Variants in RANBP2 observed in about 807,000 individuals in gnomAD.
RANBP2 encodes RAN binding protein 2.
In RANBP2, 57 loss-of-function variants were observed where a neutral mutation model predicts 303.6. That is an observed-to-expected ratio of 0.19 (90% CI 0.15 to 0.23). RANBP2 has a LOEUF of 0.23. Among genes scored for constraint, RANBP2 ranks in the 10% least tolerant of loss-of-function variants. The pLI, the probability that RANBP2 is intolerant of heterozygous loss-of-function variation, is 1.00. For missense variants in RANBP2, 3,138 were observed against 3,780.8 expected, an observed-to-expected ratio of 0.83 and a Z score of 4.46; for synonymous variants, 1,167 against 1,301.5, an observed-to-expected ratio of 0.90 and a Z score of 2.23.
chr2:109,366,110 C>T, the RANBP2 span, among the ~76,000 whole-genome samples: 1 of 152,202 alleles, frequency 6.6e-6, no homozygotes, highest in South Asian at 2.1e-4. Flanking sequence ...TCCACCTCTT[C>T]TATCTCCTAG....
chr2:109,607,387 G>A, the RANBP2 span, among the ~76,000 whole-genome samples: 2 of 152,198 alleles, frequency 1.3e-5, no homozygotes, highest in African/African-American at 4.8e-5. Flanking sequence ...TTGCCCTATT[G>A]CTAGGATGGC....
the RANBP2 span, among the ~76,000 whole-genome samples, chr2:108,816,496 G>A: frequency 6.6e-6 from 1 of 152,056 alleles, no homozygotes; most frequent in Non-Finnish European, 1.5e-5. Context: ...CCTCTGATGA[G>A]GCCCTTCTTC....
chr2:109,497,628 G>A, the RANBP2 span, among the ~76,000 whole-genome samples: 1 of 152,168 alleles, frequency 6.6e-6, no homozygotes, highest in South Asian at 2.1e-4. Context: ...ACGGCGCTCT[G>A]TGTCTATAAC....
At chr2:108,724,082 T>C (rs1488813364) in intron 1 of RANBP2, among the ~76,000 whole-genome samples, 1 of 152,246 alleles carries the variant, frequency 6.6e-6, no homozygotes, top group East Asian at 1.9e-4. Context: ...TTGTATCTCA[T>C]GTCCTCTTCA....
chr2:109,009,180 A>G, the RANBP2 span, among the ~76,000 whole-genome samples: 7 of 151,866 alleles, frequency 4.6e-5, no homozygotes, highest in Non-Finnish European at 8.8e-5. Context: ...TCTACTAAAA[A>G]TACAAAAAAA....
chr2:108,853,951 TAAATATATATAATA>T, the RANBP2 span, among the ~76,000 whole-genome samples: 3 of 119,426 alleles, frequency 2.5e-5, no homozygotes, highest in African/African-American at 3.3e-5. Flanking sequence ...TAATATACAA[TAAATATATATAATA>T]AAATATATAT....
the RANBP2 span, among the ~76,000 whole-genome samples, chr2:109,118,185 G>A: frequency 2.0e-5 from 3 of 152,148 alleles, no homozygotes; most frequent in Admixed American, 6.5e-5. Flanking sequence ...AGATGCATGA[G>A]CAAAATAAAC....
At chr2:109,755,248 A>G in the RANBP2 span, among the ~76,000 whole-genome samples, 1 of 139,902 alleles carries the variant, frequency 7.1e-6, no homozygotes, top group Non-Finnish European at 1.5e-5. Flanking sequence ...CTATAAAATC[A>G]GAGGTTTTCA....
chr2:109,644,154 AAACTT>A, the RANBP2 span, among the ~76,000 whole-genome samples: 26 of 150,476 alleles, frequency 1.7e-4, no homozygotes, highest in Admixed American at 1.7e-3. Context: ...AAAAAACTAA[AAACTT>A]AGCCAGGCGT....
chr2:109,266,886 C>A, the RANBP2 span, among the ~76,000 whole-genome samples: 2 of 152,210 alleles, frequency 1.3e-5, no homozygotes, highest in African/African-American at 4.8e-5. Flanking sequence ...CCGCCTCCCA[C>A]TAAGGACAAG....
chr2:108,853,859 T>TTGC, the RANBP2 span, among the ~76,000 whole-genome samples: 1 of 128,828 alleles, frequency 7.8e-6, no homozygotes, highest in East Asian at 2.0e-4. Context: ...ATACTATATA[T>TTGC]ATAATATATA....
chr2:109,434,461 T>G, the RANBP2 span, among the ~76,000 whole-genome samples: 1 of 152,204 alleles, frequency 6.6e-6, no homozygotes, highest in African/African-American at 2.4e-5. Context: ...TGCGTAGCAT[T>G]GGGACATCGC....
chr2:109,693,454 C>T, the RANBP2 span, among the ~76,000 whole-genome samples: 4 of 152,170 alleles, frequency 2.6e-5, no homozygotes, highest in African/African-American at 4.8e-5. Flanking sequence ...CCACCACACC[C>T]GGCCCACAAC....
chr2:108,772,434 C>T (rs1014607166), intron 21 of RANBP2, 55 bp from the exon 22 acceptor site: 2 of 1,460,498 alleles, frequency 1.4e-6, no homozygotes, highest in Admixed American at 1.7e-5. Flanking sequence ...AGTCCCTAAG[C>T]AAGGAAAACC....
chr2:109,199,327 GTAAAA>G, the RANBP2 span, among the ~76,000 whole-genome samples: 137 of 1,326 alleles, frequency 0.1, 1 homozygote, highest in African/African-American at 0.16. Flanking sequence ...ATCTCAAAAA[GTAAAA>G]TGGAATGGAA....
chr2:109,025,546 G>A, the RANBP2 span, among the ~76,000 whole-genome samples: 11 of 152,264 alleles, frequency 7.2e-5, no homozygotes, highest in South Asian at 1.0e-3. Context: ...GGTGGCTCAC[G>A]CCTGTAATCC....
the RANBP2 span, among the ~76,000 whole-genome samples, chr2:108,860,530 C>G: frequency 6.7e-6 from 1 of 149,786 alleles, no homozygotes; most frequent in Non-Finnish European, 1.5e-5. Flanking sequence ...TTTTTTTATC[C>G]TAAAGAGATG....
chr2:109,449,619 G>A, the RANBP2 span: 6 of 1,213,450 alleles, frequency 4.9e-6, no homozygotes, highest in East Asian at 1.3e-4. Flanking sequence ...GCCCCTAGAT[G>A]AACCAGGCGT....
chr2:109,513,909 T>C, the RANBP2 span, among the ~76,000 whole-genome samples: 1 of 152,128 alleles, frequency 6.6e-6, no homozygotes, highest in African/African-American at 2.4e-5. Flanking sequence ...ACCACCGTGA[T>C]GGTGGCCGAT....
Sources: allele counts gnomAD v4.1 joint callset (sites outside exome capture counted in the v4.1 genomes callset), GRCh38; gene constraint gnomAD v4.1.1; transcripts MANE v1.5; gene names NCBI Gene and HGNC (gene_info 2026-07-23, HGNC 2026-07-21).